Variants in MDGA2 observed in about 807,000 individuals in gnomAD.
MDGA2 encodes the protein MAM domain-containing glycosylphosphatidylinositol anchor protein 2.
In MDGA2, 40 loss-of-function variants were observed where a neutral mutation model predicts 117.8. The observed-to-expected ratio is 0.34, with a 90% CI of 0.26 to 0.44. The LOEUF (loss-of-function observed/expected upper bound fraction) is 0.44. MDGA2 is among the 20% of genes least tolerant of loss of function. The pLI, the probability that MDGA2 is intolerant of heterozygous loss-of-function variation, is 1.00. For missense variants in MDGA2, 1,123 were observed against 1,250.6 expected, an observed-to-expected ratio of 0.90 and a Z score of 1.54; for synonymous variants, 452 against 439.0, an observed-to-expected ratio of 1.03 and a Z score of -0.37.
rs781480688 is a variant in MDGA2, at chr14:47,059,413, G to A, written c.1525+1836C>T. 587 of 848,804 alleles carry A rather than the reference G, an allele frequency of 6.9e-4. 1 individual carries two copies. Among genetic ancestry groups the A allele is most frequent in the Non-Finnish European group, 9.2e-4 (551 of 598,392 alleles). 52.6% of individuals were successfully genotyped at this position (848,804 alleles called of 1,614,324 possible). A position where few individuals can be genotyped will look rare whatever the true frequency, so the allele number is the denominator to read the frequency against. ...AGCCAGGCAAATTAATGATAGTTAG[G>A]AAAATTTAATGATTACAACCAATCT... On this transcript the variant is annotated intron_variant, in intron 7 of 16. Coordinates refer to ENST00000399232, the MANE Select transcript of MDGA2 (RefSeq NM_001113498.3).
chr14:47,337,770 T>C, intron 1 of MDGA2, among the ~76,000 whole-genome samples: 1 of 152,026 alleles, frequency 6.6e-6, no homozygotes, highest in East Asian at 1.9e-4. Flanking sequence ...TATTAAGCAT[T>C]TAGAATTATA....
At position 47,006,922 on chromosome 14, in the gene MDGA2, G is replaced by A. The variant is rs184299762; in HGVS notation, c.1819+28089C>T. On this transcript the variant is annotated intron_variant, in intron 8 of 16. Transcript: ENST00000399232. ...ATTAACAGACTATTATTGTCCTGGA[G>A]CAGGCTGGAGACTTAGATAAACTTT... Among the ~76,000 whole-genome samples the A allele has an allele frequency of 1.2e-4, 18 of 151,766 alleles. 1 individual carries two copies. In the East Asian group the frequency reaches 3.3e-3, roughly 28 times the overall value.
At chr14:47,317,972 C>A (rs540470171) in intron 1 of MDGA2, among the ~76,000 whole-genome samples, 1 of 152,108 alleles carries the variant, frequency 6.6e-6, no homozygotes, top group Non-Finnish European at 1.5e-5. Context: ...GCCTTTCCTA[C>A]ATCATTGAAT....
chr14:47,649,968 T>C (rs912933839), intron 1 of MDGA2, among the ~76,000 whole-genome samples: 6 of 151,838 alleles, frequency 4.0e-5, no homozygotes, highest in Non-Finnish European at 1.5e-5. Flanking sequence ...AGATATTTGG[T>C]CAAACTTTAG....
At chr14:47,460,310 A>G (rs1469322663) in intron 1 of MDGA2, among the ~76,000 whole-genome samples, 1 of 152,158 alleles carries the variant, frequency 6.6e-6, no homozygotes, top group Non-Finnish European at 1.5e-5. Flanking sequence ...CACGAAGGAA[A>G]AAAAGAGTAA....
chr14:47,591,416 A>G (rs1896436058), intron 1 of MDGA2, among the ~76,000 whole-genome samples: 1 of 152,102 alleles, frequency 6.6e-6, no homozygotes, highest in South Asian at 2.1e-4. Context: ...AAACAATTTA[A>G]ATGGAGTGAC....
intron 1 of MDGA2, among the ~76,000 whole-genome samples, chr14:47,381,397 A>T (rs1454654013): frequency 6.6e-6 from 1 of 152,222 alleles, no homozygotes; most frequent in Non-Finnish European, 1.5e-5. Context: ...AGGGTATTCA[A>T]TTAGGAAAAG....
At chr14:47,448,268 A>T (rs1303506636) in intron 1 of MDGA2, among the ~76,000 whole-genome samples, 4 of 151,910 alleles carry the variant, frequency 2.6e-5, no homozygotes, top group Non-Finnish European at 5.9e-5. Flanking sequence ...CTCATGCCTC[A>T]ACTGGGATTA....
At chr14:47,007,668 T>A (rs375171697) in intron 8 of MDGA2, among the ~76,000 whole-genome samples, 5 of 151,764 alleles carry the variant, frequency 3.3e-5, no homozygotes, top group Non-Finnish European at 7.4e-5. Context: ...CCTCCAAGAT[T>A]AGAAAATTAA....
intron 1 of MDGA2, among the ~76,000 whole-genome samples, chr14:47,566,906 CTT>C (rs55759791): frequency 9.5e-5 from 14 of 147,840 alleles, no homozygotes; most frequent in East Asian, 2.0e-4. Context: ...ATCCATCTTC[CTT>C]TTTTTTTTTC....
At position 46,848,559 on chromosome 14, in the gene MDGA2, C is replaced by T. The variant is rs527610860; in HGVS notation, c.2884-2688G>A. Among the ~76,000 whole-genome samples, 3 of 151,806 alleles carry T rather than the reference C, an allele frequency of 2.0e-5. No homozygotes were observed. The South Asian group carries it at 6.2e-4, about 31-fold the overall frequency. On this transcript the variant is annotated intron_variant, in intron 15 of 16. Transcript: ENST00000399232. ...GCCTTTAAAGGATTAAACAATCCTC[C>T]TTTTTATATTAATTTTCTTTTTCAT...
At chr14:47,115,946 G>A (rs971748000) in intron 5 of MDGA2, among the ~76,000 whole-genome samples, 2 of 151,810 alleles carry the variant, frequency 1.3e-5, no homozygotes, top group African/African-American at 4.8e-5. Context: ...AATTCGGCAA[G>A]AAAAAAGAAT....
intron 1 of MDGA2, among the ~76,000 whole-genome samples, chr14:47,620,965 G>A (rs1897039217): frequency 6.6e-6 from 1 of 152,154 alleles, no homozygotes; most frequent in Non-Finnish European, 1.5e-5. Flanking sequence ...CTCCAATGCT[G>A]AAAATTAGAT....
intron 14 of MDGA2, among the ~76,000 whole-genome samples, chr14:46,861,476 A>G (rs1256859554): frequency 1.3e-5 from 2 of 151,904 alleles, no homozygotes; most frequent in African/African-American, 4.8e-5. Context: ...TGTTGAATAC[A>G]TAATATGTAA....
At chr14:47,290,794 G>GAA (rs11321699) in intron 2 of MDGA2, among the ~76,000 whole-genome samples, 1 of 143,188 alleles carries the variant, frequency 7.0e-6, no homozygotes, top group Non-Finnish European at 1.5e-5. Context: ...CACAAAGAAT[G>GAA]AAAAAAAAAA....
intron 1 of MDGA2, among the ~76,000 whole-genome samples, chr14:47,365,390 C>G (rs1891210603): frequency 6.6e-6 from 1 of 152,206 alleles, no homozygotes; most frequent in Non-Finnish European, 1.5e-5. Context: ...ATGAAGGGAG[C>G]TCTTCACTGC....
intron 8 of MDGA2, among the ~76,000 whole-genome samples, chr14:46,969,809 A>G (rs1047661727): frequency 6.6e-6 from 1 of 151,738 alleles, no homozygotes; most frequent in African/African-American, 2.4e-5. Flanking sequence ...GGGGAGGGAT[A>G]GCATTAGGAG....
In MDGA2 at chr14:47,035,232, T is replaced by G; in HGVS notation, c.1598A>C (p.Gln533Pro). The change falls in exon 8 of 17, where the codon CAA becomes CCA. Residue 533 changes from glutamine to proline, a missense_variant. This residue lies in a region of MDGA2 where 890 missense variants were observed against 1,050.3 expected (regional missense o/e 0.85). Coordinates refer to ENST00000399232, the MANE Select transcript of MDGA2 (RefSeq NM_001113498.3). ...TTTAGGTTTGCCAGTTACTTGACAT[T>G]GCAGTTCTATTGTGTCTCCTTCTCT... ...VTREGDTIEL[Q>P]CQVTGKPKPI... is the part of the protein sequence containing the mutation. 6.2e-7 allele frequency: 1 copy of G among 1,614,168 alleles called. No homozygotes were observed. The highest frequency in any genetic ancestry group is 8.5e-7 in the Non-Finnish European group (1 of 1,180,012).
At position 46,959,711 on chromosome 14, in the gene MDGA2, C is replaced by A. The variant is rs139311367; in HGVS notation, c.1820-2068G>T. Among the ~76,000 whole-genome samples the A allele has an allele frequency of 3.9e-3, 590 of 152,178 alleles. 8 individuals are homozygous for A. Among genetic ancestry groups the A allele is most frequent in the African/African-American group, 0.014 (578 of 41,520 alleles). On this transcript the variant is annotated intron_variant, in intron 8 of 16. Coordinates refer to ENST00000399232, the MANE Select transcript of MDGA2 (RefSeq NM_001113498.3). ...GGATGGATTACATTATCATTCTGAT[C>A]TTTTTGCCACTACTACTTGAAGATT...
Sources: allele counts gnomAD v4.1 joint callset (sites outside exome capture counted in the v4.1 genomes callset), GRCh38; gene constraint gnomAD v4.1.1; regional missense constraint gnomAD v4.1.1; transcripts MANE v1.5; gene names NCBI Gene and HGNC (gene_info 2026-07-23, HGNC 2026-07-21).